Variants in BCR observed in about 807,000 individuals in gnomAD.
BCR encodes the protein BCR activator of RhoGEF and GTPase.
A neutral mutation model predicts 138.6 loss-of-function variants in BCR; 58 were observed. The ratio of observed to expected loss-of-function variants is 0.42; its 90% CI spans 0.34 to 0.52. The LOEUF is 0.52. Among genes scored for constraint, BCR ranks in the 20% least tolerant of loss-of-function variants. The pLI is 0.06. For synonymous variants in BCR, 786 were observed against 730.1 expected (o/e 1.08, Z -1.23); for missense variants, 1,599 against 1,727.2 (o/e 0.93, Z 1.32).
chr22:23,292,523 G>T lies in BCR; in HGVS notation c.2783-18G>T, dbSNP rs976190075. 6.3e-6 allele frequency: 10 copies of T among 1,591,566 alleles called. No homozygotes were observed. The African/African-American group carries it at 9.4e-5, about 15-fold the overall frequency. ...GGAAAAGACCTGTGACCTTCTCCAT[G>T]TCCACTTCTCCCCACAGATCTGTAC... is the stretch of plus-strand genomic sequence containing the variant. On this transcript the variant is annotated intron_variant, in intron 14 of 22. Coordinates refer to ENST00000305877, the MANE Select transcript of BCR (RefSeq NM_004327.4).
Position 23,273,674 on chromosome 22 carries a change from C to T in BCR, c.2015C>T (p.Pro672Leu). ...ACTCCTGCCAGCCACCCTGACCACC[C>T]CTTGCTGCAGGACGCCCTCCGCATC... Reference protein sequence around the residue: ...KHTPASHPDHPLLQDALRISQ... With the variant: ...KHTPASHPDHLLLQDALRISQ... The change falls in exon 8 of 23, where the codon CCC becomes CTC. Residue 672 changes from proline (P) to leucine (L), a missense_variant. Around this residue, in one of 4 missense-constraint regions of BCR, gnomAD observed 590 missense variants for 762.4 expected, o/e 0.77. Coordinates refer to ENST00000305877, the MANE Select transcript of BCR (RefSeq NM_004327.4). 1.2e-6 allele frequency: 2 copies of T among 1,614,126 alleles called. No individual in the cohort carries two copies. Among genetic ancestry groups the T allele is most frequent in the Non-Finnish European group, 8.5e-7 (1 of 1,180,042 alleles).
At chr22:23,194,366 G>T (rs1169608668) in intron 1 of BCR, among the ~76,000 whole-genome samples, 1 of 150,856 alleles carries the variant, frequency 6.6e-6, no homozygotes, top group Non-Finnish European at 1.5e-5. Flanking sequence ...CCAGCATCTT[G>T]GGAGGCTGAG....
At chr22:23,208,185 A>T (rs7290643) in intron 1 of BCR, among the ~76,000 whole-genome samples, 1 of 152,056 alleles carries the variant, frequency 6.6e-6, no homozygotes, top group Non-Finnish European at 1.5e-5. Context: ...AGAAACCTCA[A>T]TTGGGCCCTC....
intron 1 of BCR, among the ~76,000 whole-genome samples, chr22:23,213,125 T>A (rs969271287): frequency 1.3e-5 from 2 of 152,218 alleles, no homozygotes; most frequent in African/African-American, 4.8e-5. Flanking sequence ...TTCACCTGAC[T>A]GTCTCCTTGC....
chr22:23,190,671 A>T (rs1316347109), intron 1 of BCR, among the ~76,000 whole-genome samples: 1 of 152,130 alleles, frequency 6.6e-6, no homozygotes. Flanking sequence ...TGGGCAGCAG[A>T]GGAAAGGGCT....
intron 10 of BCR, among the ~76,000 whole-genome samples, chr22:23,286,004 T>C (rs1456260767): frequency 6.6e-6 from 1 of 152,234 alleles, no homozygotes; most frequent in East Asian, 1.9e-4. Context: ...TGTGGTCTCC[T>C]GATACCCAGG....
chr22:23,234,937 C>T lies in BCR; in HGVS notation c.1280-18862C>T, dbSNP rs529325522. On this transcript the variant is annotated intron_variant, in intron 1 of 22. Coordinates refer to ENST00000305877, the MANE Select transcript of BCR (RefSeq NM_004327.4). ...ATGTGTTGTATGGACAGAGCCCTAC[C>T]ATGCTTAGAGGAGTCAGGCTCCTCC... 7.0e-4 allele frequency among the ~76,000 whole-genome samples: 100 copies of T among 143,652 alleles called. 3 individuals carry two copies. The highest frequency in any genetic ancestry group is 2.4e-3 in the African/African-American group (99 of 40,878). 94.2% of individuals were successfully genotyped at this position (143,652 alleles called of 152,430 possible). A position where few individuals can be genotyped will look rare whatever the true frequency, so the allele number is the denominator to read the frequency against.
At chr22:23,203,942 G>A (rs2072583499) in intron 1 of BCR, among the ~76,000 whole-genome samples, 1 of 152,206 alleles carries the variant, frequency 6.6e-6, no homozygotes, top group South Asian at 2.1e-4. Flanking sequence ...TTGCATGGCT[G>A]CACTTGGCTG....
intron 1 of BCR, among the ~76,000 whole-genome samples, chr22:23,184,174 A>C (rs2072308642): frequency 6.6e-6 from 1 of 152,186 alleles, no homozygotes; most frequent in African/African-American, 2.4e-5. Context: ...CTGCAACCTC[A>C]AAACTCTTGG....
intron 21 of BCR, among the ~76,000 whole-genome samples, chr22:23,314,303 G>A (rs1340481994): frequency 1.6e-4 from 24 of 152,168 alleles, no homozygotes; most frequent in Admixed American, 1.2e-3. Context: ...AGCTTTGGCC[G>A]TGGCCAGCAG....
intron 1 of BCR, among the ~76,000 whole-genome samples, chr22:23,246,294 A>G (rs1017409554): frequency 6.6e-6 from 1 of 152,194 alleles, no homozygotes; most frequent in Admixed American, 6.5e-5. Flanking sequence ...TTAGCTGGAC[A>G]TAATGGCACA....
At chr22:23,217,031 C>A (rs2072762503) in intron 1 of BCR, 1 of 452,132 alleles carries the variant, frequency 2.2e-6, no homozygotes, top group Non-Finnish European at 4.4e-6. Context: ...GCAGCAGTGT[C>A]ATGTGGACAC....
chr22:23,311,815 C>T lies in BCR; in HGVS notation c.3301C>T (p.Leu1101=). Residue 1101 remains leucine, a synonymous_variant, in exon 19 of 23, where the codon CTG becomes TTG. Transcript: ENST00000305877. ...CGGTGTGGCCACGGACATCCAGGCA[C>T]TGAAGGCAGCCTTCGACGTCAGTGA... ...VSGVATDIQA[L]KAAFDVNNKD... 1 of 1,611,772 alleles carries T rather than the reference C, an allele frequency of 6.2e-7. No homozygotes were observed. The highest frequency in any genetic ancestry group is 1.3e-5 in the African/African-American group (1 of 74,986).
chr22:23,252,193 A>G (rs879590627), intron 1 of BCR, among the ~76,000 whole-genome samples: 1 of 152,122 alleles, frequency 6.6e-6, no homozygotes, highest in Non-Finnish European at 1.5e-5. Flanking sequence ...CTCAGCCAGA[A>G]GCTGGGCCAG....
At chr22:23,199,501 C>T (rs1314698442) in intron 1 of BCR, 1 of 372,774 alleles carries the variant, frequency 2.7e-6, no homozygotes, top group Non-Finnish European at 5.3e-6. Context: ...CTTGAGGCTT[C>T]TTGTGGAAGC....
rs1335786749 is a variant in BCR at position 23,196,716 on chromosome 22, C to A, written c.1279+14477C>A. ...ATGAGGAGCCTGCACAGCCTAGATCCCTCGCATACATAAGCCACAATAGGG... is the reference window on the plus strand; with the variant it reads ...ATGAGGAGCCTGCACAGCCTAGATCACTCGCATACATAAGCCACAATAGGG... On this transcript the variant is annotated intron_variant, in intron 1 of 22. Transcript: ENST00000305877. Among the ~76,000 whole-genome samples, 2 of 152,130 alleles carry A rather than the reference C, an allele frequency of 1.3e-5. 1 individual carries two copies. Among genetic ancestry groups the A allele is most frequent in the Non-Finnish European group, 2.9e-5 (2 of 68,012 alleles).
intron 11 of BCR, 45 bp downstream of exon 11, chr22:23,287,323 A>G (rs2073726856): frequency 5.4e-6 from 8 of 1,490,060 alleles, no homozygotes; most frequent in Non-Finnish European, 7.1e-6. Context: ...CTGGCCTGGG[A>G]TGGGCTCCTG....
intron 2 of BCR, among the ~76,000 whole-genome samples, chr22:23,258,275 AG>A: frequency 6.6e-6 from 1 of 152,026 alleles, no homozygotes; most frequent in Admixed American, 6.5e-5. Flanking sequence ...AAGGCTTTTT[AG>A]ATGGTCCCAG....
At chr22:23,281,460 G>T (rs1946481509) in intron 8 of BCR, among the ~76,000 whole-genome samples, 1 of 152,248 alleles carries the variant, frequency 6.6e-6, no homozygotes, top group Admixed American at 6.5e-5. Context: ...TCCAGGCCGG[G>T]GACCAGGCTG....
Sources: allele counts gnomAD v4.1 joint callset (sites outside exome capture counted in the v4.1 genomes callset), GRCh38; gene constraint gnomAD v4.1.1; regional missense constraint gnomAD v4.1.1; transcripts MANE v1.5; gene names NCBI Gene and HGNC (gene_info 2026-07-23, HGNC 2026-07-21).